SLIT3: variants seen among roughly 807,000 people sequenced by gnomAD.
SLIT3 encodes the protein slit homolog 3 protein.
In SLIT3, 68 loss-of-function variants were observed where a neutral mutation model predicts 184.0. The observed-to-expected ratio is 0.37, with a 90% confidence interval of 0.30 to 0.45. The LOEUF (loss-of-function observed/expected upper bound fraction) is 0.45, where lower values mean the gene tolerates loss of function less well. Among genes scored for constraint, SLIT3 ranks in the 20% least tolerant of loss-of-function variants. SLIT3 has a pLI of 1.00. For synonymous variants in SLIT3, 831 were observed against 828.6 expected (o/e 1.00, Z -0.05); for missense variants, 1,707 against 2,026.0 (o/e 0.84, Z 3.02).
rs552150167 is a variant in SLIT3 at position 168,997,600 on chromosome 5, C to T, written c.414-114264G>A. ...CCCAAATTCCCTTTCTCATCCAAGC[C>T]CAGAAATGCAGAGCTGCTGCATGCA... is the stretch of plus-strand genomic sequence containing the variant. On this transcript the variant is annotated intron_variant, in intron 4 of 35. Coordinates refer to ENST00000519560, the MANE Select transcript of SLIT3 (RefSeq NM_003062.4). Among the ~76,000 whole-genome samples the T allele has an allele frequency of 5.9e-5, 9 of 152,258 alleles. No homozygotes were observed. In the East Asian group the frequency reaches 1.7e-3, roughly 29 times the overall value.
chr5:168,734,961 A>G (rs1763386989), intron 20 of SLIT3, among the ~76,000 whole-genome samples: 1 of 152,178 alleles, frequency 6.6e-6, no homozygotes, highest in African/African-American at 2.4e-5. Context: ...ACTCAGAATC[A>G]AAGCTTTCAC....
chr5:168,787,189 C>A (rs554481271), intron 11 of SLIT3, among the ~76,000 whole-genome samples: 1 of 152,294 alleles, frequency 6.6e-6, no homozygotes, highest in South Asian at 2.1e-4. Flanking sequence ...ATTTGTAATT[C>A]ATATTAATGC....
intron 4 of SLIT3, among the ~76,000 whole-genome samples, chr5:169,054,335 G>A (rs755164810): frequency 3.3e-5 from 5 of 151,638 alleles, no homozygotes; most frequent in Non-Finnish European, 7.4e-5. Context: ...GGCAAGGAAA[G>A]ATCCTTCCCT....
chr5:169,286,299 G>A (rs1767148345), intron 1 of SLIT3, among the ~76,000 whole-genome samples: 1 of 152,142 alleles, frequency 6.6e-6, no homozygotes, highest in African/African-American at 2.4e-5. Flanking sequence ...AACACCGACT[G>A]CTATTTTTTT....
At position 169,166,204 on chromosome 5, in the gene SLIT3, T is replaced by C. The variant is rs116757903; in HGVS notation, c.413+27275A>G. 3.0e-3 allele frequency among the ~76,000 whole-genome samples: 454 copies of C among 152,298 alleles called. 1 individual carries two copies. The highest frequency in any genetic ancestry group is 0.01 in the African/African-American group (429 of 41,570). ...CACTGCCTTTGTTTTTTAGCCGTCT[T>C]TGCCATGGAGACCAAAGACTCCCCC... is the stretch of plus-strand genomic sequence containing the variant. On this transcript the variant is annotated intron_variant, in intron 4 of 35. Transcript: ENST00000519560.
At chr5:168,712,906 G>C (rs943913703) in intron 23 of SLIT3, 32 of 154,754 alleles carry the variant, frequency 2.1e-4, no homozygotes, top group African/African-American at 7.7e-4. Flanking sequence ...TGTCATGGGT[G>C]TGTTAATCCA....
chr5:169,155,865 A>G (rs1303475579), intron 4 of SLIT3, among the ~76,000 whole-genome samples: 1 of 152,158 alleles, frequency 6.6e-6, no homozygotes, highest in African/African-American at 2.4e-5. Flanking sequence ...CAACGTATGA[A>G]CTGCTCCACC....
At chr5:169,113,446 C>T (rs951922859) in intron 4 of SLIT3, among the ~76,000 whole-genome samples, 1 of 152,082 alleles carries the variant, frequency 6.6e-6, no homozygotes, top group African/African-American at 2.4e-5. Context: ...ATATTACATT[C>T]GGTTTATCCA....
chr5:169,008,607 C>G (rs180798792), intron 4 of SLIT3, among the ~76,000 whole-genome samples: 1 of 152,270 alleles, frequency 6.6e-6, no homozygotes, highest in African/African-American at 2.4e-5. Flanking sequence ...ATGAGCCACA[C>G]GGTCTCTCTG....
chr5:168,806,687 C>T (rs576101065), intron 8 of SLIT3, 100 bp from the exon 9 acceptor site: 2 of 1,366,804 alleles, frequency 1.5e-6, no homozygotes, highest in African/African-American at 1.4e-5. Context: ...CATGACCTGA[C>T]AGCCATCTGA....
intron 4 of SLIT3, among the ~76,000 whole-genome samples, chr5:169,063,103 C>G (rs1304844250): frequency 6.6e-6 from 1 of 152,214 alleles, no homozygotes; most frequent in African/African-American, 2.4e-5. Context: ...TAAATTAGCA[C>G]ATTGTCAGCT....
Position 169,300,045 on chromosome 5 carries a change from C to A in SLIT3, c.197+468G>T, listed in dbSNP as rs1436337338. 2.0e-5 allele frequency among the ~76,000 whole-genome samples: 3 copies of A among 152,250 alleles called. No homozygotes were observed. The highest frequency in any genetic ancestry group is 3.9e-4 in the East Asian group (2 of 5,190). ...TTTCCTTGCAAGGGCAGCCAGAGAG[C>A]GGCTGGCCCATTCTGATCTCCAAGC... On this transcript the variant is annotated intron_variant, in intron 1 of 35. Coordinates refer to ENST00000519560, the MANE Select transcript of SLIT3 (RefSeq NM_003062.4). This position sits in a 1 kb window ranked among gnomAD's most constrained non-coding sequence, Gnocchi z 4.1.
At position 168,760,940 on chromosome 5, in the gene SLIT3, T is replaced by G; in HGVS notation, c.1611-4A>C. The G allele has an allele frequency of 1.2e-6, 2 of 1,612,906 alleles. No individual in the cohort carries two copies. The highest frequency in any genetic ancestry group is 1.7e-6 in the Non-Finnish European group (2 of 1,178,942). On this transcript the variant is annotated splice_polypyrimidine_tract_variant and splice_region_variant and intron_variant, in intron 15 of 35. Coordinates refer to ENST00000519560, the MANE Select transcript of SLIT3 (RefSeq NM_003062.4). ...TACCTCATTGTCATTCAGTCGCCTG[T>G]GTAGGAAGCAAGATGAGTGGTAGGT... is the stretch of plus-strand genomic sequence containing the variant.
chr5:169,294,529 T>C (rs896307681), intron 1 of SLIT3, among the ~76,000 whole-genome samples: 15 of 152,230 alleles, frequency 9.9e-5, no homozygotes, highest in Admixed American at 6.5e-4. Flanking sequence ...GGAAGTCGCT[T>C]CCACAGGGCT....
chr5:169,200,789 A>G (rs1388484476), intron 3 of SLIT3, among the ~76,000 whole-genome samples: 2 of 152,170 alleles, frequency 1.3e-5, no homozygotes, highest in African/African-American at 4.8e-5. Flanking sequence ...CTAACAGCCA[A>G]TTCAGGCTTT....
chr5:168,986,976 A>G (rs1013961505), intron 4 of SLIT3, among the ~76,000 whole-genome samples: 2 of 152,174 alleles, frequency 1.3e-5, no homozygotes, highest in Non-Finnish European at 2.9e-5. Context: ...TGAACCCGGG[A>G]GGCAGAGGTT....
rs1763042172 is a variant in SLIT3, at chr5:168,724,445, C to G, written c.2310G>C (p.Glu770Asp). Residue 770 changes from glutamate to aspartate, a missense_variant, in exon 21 of 36, where the codon GAG (glutamate) becomes GAC (aspartate). Around this residue, in one of 3 missense-constraint regions of SLIT3, gnomAD observed 1,307 missense variants for 1,511.6 expected, o/e 0.86. Coordinates refer to ENST00000519560, the MANE Select transcript of SLIT3 (RefSeq NM_003062.4). ...GCGTCAGGTGTCGGAGGGCGGACAG[C>G]TCTCTGGGCACGGCTGTTAGGTGGT... is the stretch of plus-strand genomic sequence containing the variant. ...EGNHLTAVPR[E>D]LSALRHLTLI... 6.2e-7 allele frequency: 1 copy of G among 1,613,290 alleles called. No homozygotes were observed.
In SLIT3 at chr5:168,666,504, C is replaced by CT; in HGVS notation, c.4521_4522insA (p.Val1508SerfsTer43). The CT allele has an allele frequency of 6.2e-7, 1 of 1,606,782 alleles. No homozygotes were observed. Among genetic ancestry groups the CT allele is most frequent in the Non-Finnish European group, 8.5e-7 (1 of 1,176,182 alleles). On this transcript the variant is annotated frameshift_variant, in exon 36 of 36. Transcript: ENST00000519560. LOFTEE classifies it high-confidence loss of function. Reference sequence around the variant, plus strand: ...TCTAAGTGTCTCTCCACCTCTTCTACAAACGAGGAGCCGTCCGTGCACTGG... The same window carrying CT: ...TCTAAGTGTCTCTCCACCTCTTCTACTAAACGAGGAGCCGTCCGTGCACTGG...
intron 10 of SLIT3, chr5:168,792,004 GTCTTAAT>G (rs1756392423): frequency 6.6e-6 from 1 of 152,186 alleles, no homozygotes; most frequent in South Asian, 2.1e-4. Context: ...GGCAAACTGC[GTCTTAAT>G]TCTTAATTCT....
Sources: allele counts gnomAD v4.1 joint callset (sites outside exome capture counted in the v4.1 genomes callset), GRCh38; gene constraint gnomAD v4.1.1; regional missense constraint gnomAD v4.1.1; non-coding constraint Gnocchi (gnomAD v3.1); transcripts MANE v1.5; gene names NCBI Gene and HGNC (gene_info 2026-07-23, HGNC 2026-07-21).